AHNAK: variants seen among roughly 807,000 people sequenced by gnomAD.
AHNAK encodes the protein AHNAK nucleoprotein.
In AHNAK, 23 loss-of-function variants were observed where a neutral mutation model predicts 37.8. The observed-to-expected ratio is 0.61, with a 90% confidence interval of 0.44 to 0.86. AHNAK has a LOEUF of 0.86. Among genes scored for constraint, AHNAK ranks in the 40% least tolerant of loss-of-function variants. AHNAK has a pLI of 0.00. For synonymous variants in AHNAK, 2,481 were observed against 2,636.3 expected (o/e 0.94, Z 1.80); for missense variants, 7,411 against 7,319.4 (o/e 1.01, Z -0.46).
chr11:62,538,998 C>T lies in AHNAK; in HGVS notation c.-99-2431G>A, dbSNP rs371519760. 2.0e-5 allele frequency among the ~76,000 whole-genome samples: 3 copies of T among 152,156 alleles called. No homozygotes were observed. The South Asian group carries it at 6.2e-4, about 31-fold the overall frequency. On this transcript the variant is annotated intron_variant, in intron 1 of 4. Coordinates refer to ENST00000378024, the MANE Select transcript of AHNAK (RefSeq NM_001620.3). ...ACAGCCATCCTCCTGTTTGACAACG[C>T]GGTGTGGACAATGTGTCTCCTTGTC...
chr11:62,471,715 G>A (rs2134849197), intron 5 of AHNAK, among the ~76,000 whole-genome samples: 1 of 152,318 alleles, frequency 6.6e-6, no homozygotes, highest in East Asian at 1.9e-4. Context: ...CCTGCTTGGG[G>A]GCCAGGCAGC....
At position 62,523,254 on chromosome 11, in the gene AHNAK, G is replaced by A. The variant is rs756209234; in HGVS notation, c.11163C>T (p.Ile3721=). 13 of 1,612,678 alleles carry A rather than the reference G, an allele frequency of 8.1e-6. No homozygotes were observed. Among genetic ancestry groups the A allele is most frequent in the Middle Eastern group, 1.6e-4 (1 of 6,076 alleles). Residue 3721 remains isoleucine, a synonymous_variant, in exon 5 of 5, where the codon ATC becomes ATT. Transcript: ENST00000378024. The part of the protein sequence containing the change: ...KVDIDTPDIN[I]EGSEGKFKGP... ...CCTTGAATTTACCCTCTGAGCCTTC[G>A]ATGTTAATGTCAGGAGTGTCAATGT...
chr11:62,534,015 C>A lies in AHNAK; in HGVS notation c.402G>T (p.Lys134Asn). The A allele has an allele frequency of 5.0e-6, 8 of 1,588,384 alleles. No homozygotes were observed. The highest frequency in any genetic ancestry group is 6.0e-6 in the Non-Finnish European group (7 of 1,165,694). ...IYTTKIKPRL[K>N]SEDGVEGDLG... ...GGTCTCCTTCCACTCCATCTTCCGA[C>A]TTCAGCCGTGGCTTGATCTTCGTGG... is the stretch of plus-strand genomic sequence containing the variant. The change falls in exon 5 of 5, where the codon AAG (lysine) becomes AAT (asparagine). Residue 134 changes from lysine to asparagine, a missense_variant. By Grantham distance (94) the Lys-to-Asn change is moderately conservative (BLOSUM62 0). Coordinates refer to ENST00000378024, the MANE Select transcript of AHNAK (RefSeq NM_001620.3).
intron 4 of AHNAK, among the ~76,000 whole-genome samples, chr11:62,499,176 G>C (rs1939668572): frequency 6.6e-6 from 1 of 152,190 alleles, no homozygotes; most frequent in Admixed American, 6.5e-5. Context: ...GCCTGGGAAA[G>C]AGGAAAAGAT....
At chr11:62,491,665 CT>C in intron 5 of AHNAK, 1 of 1,441,948 alleles carries the variant, frequency 6.9e-7, no homozygotes, top group East Asian at 2.5e-5. Context: ...GCATGCCCAT[CT>C]GTGATAAAGG....
chr11:62,457,908 A>ATTTTT (rs373610508), intron 5 of AHNAK, among the ~76,000 whole-genome samples: 3 of 123,508 alleles, frequency 2.4e-5, no homozygotes, highest in African/African-American at 3.1e-5. Context: ...GAGAAGCTGA[A>ATTTTT]TTTTTTTTTT....
intron 5 of AHNAK, among the ~76,000 whole-genome samples, chr11:62,450,381 T>A (rs1453985156): frequency 6.6e-6 from 1 of 151,950 alleles, no homozygotes; most frequent in Non-Finnish European, 1.5e-5. Context: ...TTAGTAGAGA[T>A]AGGGTTTCAC....
At chr11:62,437,314 G>A (rs985331670) in intron 5 of AHNAK, among the ~76,000 whole-genome samples, 7 of 152,110 alleles carry the variant, frequency 4.6e-5, no homozygotes, top group African/African-American at 1.2e-4. Context: ...GAACATTTTT[G>A]TACATACATT....
intron 5 of AHNAK, among the ~76,000 whole-genome samples, chr11:62,484,045 A>AC (rs1939337139): frequency 6.7e-6 from 1 of 150,256 alleles, no homozygotes; most frequent in Non-Finnish European, 1.5e-5. Flanking sequence ...TCAAAAAAAA[A>AC]AAAAAAAAAA....
In AHNAK at chr11:62,518,957, T is replaced by C; in HGVS notation, c.15460A>G (p.Lys5154Glu). The change falls in exon 5 of 5, where the codon AAA becomes GAA. Residue 5154 changes from lysine (K) to glutamate (E), a missense_variant. Physicochemically the swap from Lys to Glu is moderately conservative, Grantham distance 56. Transcript: ENST00000378024. ...KMPDVDISVP[K>E]IEGDLKGPKV... ...GGGCCTTTCAGGTCACCCTCTATTTTTGGCACTGAGATGTCCACATCTGGC... is the reference window on the plus strand; with the variant it reads ...GGGCCTTTCAGGTCACCCTCTATTTCTGGCACTGAGATGTCCACATCTGGC... The C allele has an allele frequency of 1.2e-6, 2 of 1,614,180 alleles. No homozygotes were observed. Among genetic ancestry groups the C allele is most frequent in the African/African-American group, 1.3e-5 (1 of 75,038 alleles).
At position 62,530,414 on chromosome 11, in the gene AHNAK, G is replaced by A. The variant is rs1335627736; in HGVS notation, c.4003C>T (p.Pro1335Ser). Residue 1335 changes from proline to serine, a missense_variant, in exon 5 of 5, where the codon CCA (proline) becomes TCA (serine). Transcript: ENST00000378024. ...ACATCCACATCTCCCTTCAATTTTG[G>A]CCCCTTAAGATTCAGGTCCACATCA... ...MPDVDLNLKG[P>S]KLKGDVDVSL... 13 of 1,613,824 alleles carry A rather than the reference G, an allele frequency of 8.1e-6. No homozygotes were observed. The highest frequency in any genetic ancestry group is 1.1e-5 in the Non-Finnish European group (13 of 1,179,992).
At position 62,520,297 on chromosome 11, in the gene AHNAK, G is replaced by A. The variant is rs1052343852; in HGVS notation, c.14120C>T (p.Pro4707Leu). The A allele has an allele frequency of 5.0e-6, 8 of 1,612,996 alleles. No individual in the cohort carries two copies. The highest frequency in any genetic ancestry group is 2.2e-5 in the East Asian group (1 of 44,802). The change falls in exon 5 of 5, where the codon CCC becomes CTC. Residue 4707 changes from proline (P) to leucine (L), a missense_variant. Transcript: ENST00000378024. ...GCTCATCTCAGGCATCTTGAACTTG[G>A]GGCCCTTTAGTTTCGCATCTGGACC... ...IEGPDAKLKG[P>L]KFKMPEMSIK...
Position 62,516,313 on chromosome 11 carries a change from C to T in AHNAK, c.*431G>A, listed in dbSNP as rs751660659. ...TCAGGAAAGAGGAAGACCTGACCTC[C>T]GTCTGCAACCCATCACCCCACCCAC... On this transcript the variant is annotated 3_prime_UTR_variant, in exon 5 of 5. Transcript: ENST00000378024. The T allele has an allele frequency of 1.1e-5, 14 of 1,289,350 alleles. No individual in the cohort carries two copies. Among genetic ancestry groups the T allele is most frequent in the African/African-American group, 9.1e-5 (6 of 65,810 alleles). The allele number at this position is 1,289,350 out of a possible 1,614,324, so 79.9% of individuals were successfully genotyped here.
At chr11:62,445,669 C>T (rs1334549466) in intron 5 of AHNAK, among the ~76,000 whole-genome samples, 2 of 152,064 alleles carry the variant, frequency 1.3e-5, no homozygotes, top group Non-Finnish European at 1.5e-5. Context: ...TAGTGACCCA[C>T]GATTGTACCT....
At position 62,533,547 on chromosome 11, in the gene AHNAK, C is replaced by A. The variant is rs1565247122; in HGVS notation, c.870G>T (p.Glu290Asp). Residue 290 changes from glutamate to aspartate, a missense_variant, in exon 5 of 5, where the codon GAG becomes GAT. Coordinates refer to ENST00000378024, the MANE Select transcript of AHNAK (RefSeq NM_001620.3). ...CACTCTCCAGAGATGGGCCCTGTACCTCTACTGCCCTACCCCCAAGAGAAG... is the reference window on the plus strand; with the variant it reads ...CACTCTCCAGAGATGGGCCCTGTACATCTACTGCCCTACCCCCAAGAGAAG... ...ISSSLGGRAV[E>D]VQGPSLESGD... The A allele has an allele frequency of 2.5e-6, 4 of 1,614,050 alleles. No individual in the cohort carries two copies. The highest frequency in any genetic ancestry group is 1.7e-5 in the Admixed American group (1 of 60,012).
Position 62,529,231 on chromosome 11 carries a change from C to T in AHNAK, c.5186G>A (p.Gly1729Asp), listed in dbSNP as rs753070542. The change falls in exon 5 of 5, where the codon GGC (glycine) becomes GAC (aspartate). Residue 1729 changes from glycine to aspartate, a missense_variant. Physicochemically the swap from Gly to Asp is moderately conservative, Grantham distance 94. Coordinates refer to ENST00000378024, the MANE Select transcript of AHNAK (RefSeq NM_001620.3). Reference sequence around the variant, plus strand: ...TGGCAGATTCACATCCACTTCAGGGCCCTCTGCTTTGAAGCCAGGCATACT... The same window carrying T: ...TGGCAGATTCACATCCACTTCAGGGTCCTCTGCTTTGAAGCCAGGCATACT... ...KFSMPGFKAE[G>D]PEVDVNLPKA... 3.7e-6 allele frequency: 6 copies of T among 1,614,078 alleles called. No homozygotes were observed. The highest frequency in any genetic ancestry group is 5.1e-6 in the Non-Finnish European group (6 of 1,180,050).
At position 62,517,425 on chromosome 11, in the gene AHNAK, G is replaced by T; in HGVS notation, c.16992C>A (p.Pro5664=). 6.2e-7 allele frequency: 1 copy of T among 1,614,098 alleles called. No homozygotes were observed. Among genetic ancestry groups the T allele is most frequent in the East Asian group, 2.2e-5 (1 of 44,886 alleles). The part of the protein sequence containing the change: ...GKVTFPKMKI[P]KFTFSGRELV... ...GCTCACGGCCAGAGAAGGTAAATTT[G>T]GGGATCTTCATTTTAGGGAATGTTA... Residue 5664 remains proline, a synonymous_variant, in exon 5 of 5, where the codon CCC becomes CCA. Coordinates refer to ENST00000378024, the MANE Select transcript of AHNAK (RefSeq NM_001620.3).
Position 62,518,293 on chromosome 11 carries a change from G to A in AHNAK, c.16124C>T (p.Ala5375Val). 6.2e-7 allele frequency: 1 copy of A among 1,614,160 alleles called. No homozygotes were observed. Among genetic ancestry groups the A allele is most frequent in the Non-Finnish European group, 8.5e-7 (1 of 1,180,014 alleles). Residue 5375 changes from alanine (A) to valine (V), a missense_variant, in exon 5 of 5, where the codon GCT becomes GTT. Coordinates refer to ENST00000378024, the MANE Select transcript of AHNAK (RefSeq NM_001620.3). ...AGGGCATTTGATGTCACCAGAGACAGCCAGATCTCCCTGCAGGCTTGGTCC... is the reference window on the plus strand; with the variant it reads ...AGGGCATTTGATGTCACCAGAGACAACCAGATCTCCCTGCAGGCTTGGTCC... ...LRGPSLQGDLAVSGDIKCPKV... is the reference protein window; with the variant it reads ...LRGPSLQGDLVVSGDIKCPKV...
chr11:62,439,463 C>T (rs1169354899), intron 5 of AHNAK, among the ~76,000 whole-genome samples: 3 of 152,010 alleles, frequency 2.0e-5, no homozygotes, highest in Admixed American at 6.6e-5. Flanking sequence ...ACCTTAAACT[C>T]GACCCAGCCC....
Sources: gnomAD v4.1 joint callset for allele counts (sites outside exome capture counted in the v4.1 genomes callset) on GRCh38, gnomAD v4.1.1 for gene constraint, MANE v1.5 for transcripts, NCBI Gene and HGNC (gene_info 2026-07-23, HGNC 2026-07-21) for gene names.